GALNTL6: variants seen among roughly 807,000 people sequenced by gnomAD.
The protein encoded by GALNTL6 is polypeptide N-acetylgalactosaminyltransferase like 6.
Under a neutral mutation model 73.7 loss-of-function variants are expected in GALNTL6, and 46 were observed. That is an observed-to-expected ratio of 0.62 (90% CI 0.49 to 0.80). The LOEUF (loss-of-function observed/expected upper bound fraction) is 0.80. Among genes scored for constraint, GALNTL6 ranks in the 30% least tolerant of loss-of-function variants. The pLI is 0.00. For missense variants in GALNTL6, 604 were observed against 755.0 expected (o/e 0.80, Z 2.34); for synonymous variants, 259 against 263.7 (o/e 0.98, Z 0.17).
intron 12 of GALNTL6, among the ~76,000 whole-genome samples, chr4:173,023,031 A>C (rs1753080596): frequency 6.6e-6 from 1 of 151,780 alleles, no homozygotes; most frequent in Non-Finnish European, 1.5e-5. Flanking sequence ...GCTTTTTCAC[A>C]CTCTGAGGCC....
At chr4:172,645,604 C>A (rs1740208202) in intron 5 of GALNTL6, among the ~76,000 whole-genome samples, 1 of 151,760 alleles carries the variant, frequency 6.6e-6, no homozygotes, top group Non-Finnish European at 1.5e-5. Flanking sequence ...TATCTCATCA[C>A]TAGGTTTGTG....
intron 2 of GALNTL6, among the ~76,000 whole-genome samples, chr4:171,878,583 A>AT (rs909224649): frequency 8.6e-5 from 13 of 151,966 alleles, no homozygotes; most frequent in African/African-American, 1.5e-4. Flanking sequence ...CATGTATATT[A>AT]TTTTTTTCAT....
chr4:172,707,891 T>A (rs1329354047), intron 5 of GALNTL6, among the ~76,000 whole-genome samples: 6 of 152,076 alleles, frequency 3.9e-5, no homozygotes, highest in Admixed American at 2.0e-4. Flanking sequence ...CTGAGCAGAA[T>A]TCTTGTTACA....
chr4:172,997,305 T>C (rs1281217287), intron 10 of GALNTL6, among the ~76,000 whole-genome samples: 2 of 152,112 alleles, frequency 1.3e-5, no homozygotes, highest in African/African-American at 2.4e-5. Flanking sequence ...GAATTAGACA[T>C]GGGTGCGAAT....
At chr4:172,239,923 G>A (rs957450893) in intron 3 of GALNTL6, among the ~76,000 whole-genome samples, 3 of 152,164 alleles carry the variant, frequency 2.0e-5, no homozygotes, top group African/African-American at 7.2e-5. Context: ...TCTGCTGAAA[G>A]GTCTGCTTTT....
chr4:172,083,542 A>T (rs6830963), intron 2 of GALNTL6, among the ~76,000 whole-genome samples: 132,296 of 152,254 alleles, frequency 0.87, 57,649 homozygotes, highest in South Asian at 0.92. Context: ...CAGAAATAGA[A>T]TTCCCTTAGA....
At chr4:172,989,819 AG>A (rs1295312514) in intron 10 of GALNTL6, among the ~76,000 whole-genome samples, 4 of 152,192 alleles carry the variant, frequency 2.6e-5, no homozygotes, top group Non-Finnish European at 5.9e-5. Context: ...ATCCAGTTTC[AG>A]GTATTTCTTT....
chr4:172,016,455 A>T (rs1312256585), intron 2 of GALNTL6, among the ~76,000 whole-genome samples: 21 of 151,632 alleles, frequency 1.4e-4, no homozygotes, highest in Admixed American at 1.4e-3. Context: ...TATCTGAAAA[A>T]TTTTTCATCC....
intron 2 of GALNTL6, chr4:171,815,287 G>A (rs1292014270): frequency 1.9e-5 from 3 of 154,364 alleles, no homozygotes; most frequent in East Asian, 3.8e-4. Context: ...CACAGGCAGA[G>A]TTATTAAGGA....
intron 5 of GALNTL6, among the ~76,000 whole-genome samples, chr4:172,800,744 A>G (rs1234869413): frequency 1.3e-5 from 2 of 152,196 alleles, no homozygotes; most frequent in Non-Finnish European, 2.9e-5. Context: ...CAAAACAGCA[A>G]CAGTATTTCA....
chr4:171,820,255 A>G (rs1367501314), intron 2 of GALNTL6, among the ~76,000 whole-genome samples: 1 of 152,198 alleles, frequency 6.6e-6, no homozygotes, highest in African/African-American at 2.4e-5. Context: ...CTGCTTAACA[A>G]GCAAAATGGC....
intron 2 of GALNTL6, among the ~76,000 whole-genome samples, chr4:172,076,600 T>A (rs1273267243): frequency 6.6e-6 from 1 of 152,202 alleles, no homozygotes; most frequent in Non-Finnish European, 1.5e-5. Flanking sequence ...TTGCAAGACA[T>A]GTGAGACAAA....
chr4:172,258,934 T>G (rs879229684), intron 3 of GALNTL6, among the ~76,000 whole-genome samples: 1 of 151,410 alleles, frequency 6.6e-6, no homozygotes, highest in African/African-American at 2.4e-5. Context: ...TTTCATTCCT[T>G]TTTATGACTG....
chr4:172,599,901 G>C (rs1335282614), intron 5 of GALNTL6, among the ~76,000 whole-genome samples: 1 of 151,924 alleles, frequency 6.6e-6, no homozygotes, highest in African/African-American at 2.4e-5. Flanking sequence ...TGTATAATGT[G>C]CCTTTAAAAA....
chr4:172,474,411 C>G (rs1259492971), intron 5 of GALNTL6, among the ~76,000 whole-genome samples: 4 of 152,070 alleles, frequency 2.6e-5, no homozygotes, highest in Admixed American at 2.0e-4. Context: ...TACTGTCTTC[C>G]TATGGTAGAA....
intron 3 of GALNTL6, among the ~76,000 whole-genome samples, chr4:172,236,289 C>A (rs982770407): frequency 2.0e-5 from 3 of 152,120 alleles, no homozygotes; most frequent in Non-Finnish European, 4.4e-5. Context: ...ATATTAGCTG[C>A]CAGGCGTGGT....
intron 5 of GALNTL6, among the ~76,000 whole-genome samples, chr4:172,722,926 T>A (rs1036829101): frequency 2.0e-5 from 3 of 152,198 alleles, no homozygotes; most frequent in African/African-American, 7.2e-5. Flanking sequence ...TATCTTCCAG[T>A]TCTGTAGGTT....
chr4:171,920,147 CT>C (rs1183241848), intron 2 of GALNTL6, among the ~76,000 whole-genome samples: 2 of 151,962 alleles, frequency 1.3e-5, no homozygotes. Context: ...CCAAACACCG[CT>C]TGTTCTCACT....
At chr4:172,450,227 A>AC (rs1229205786) in intron 5 of GALNTL6, among the ~76,000 whole-genome samples, 135 of 150,962 alleles carry the variant, frequency 8.9e-4, no homozygotes, top group South Asian at 1.3e-3. Context: ...AAAAAAAAAA[A>AC]AAACAAACAA....
Sources: gnomAD v4.1 joint callset for allele counts (sites outside exome capture counted in the v4.1 genomes callset) on GRCh38, gnomAD v4.1.1 for gene constraint, MANE v1.5 for transcripts, NCBI Gene and HGNC (gene_info 2026-07-23, HGNC 2026-07-21) for gene names.